Variants in ASPH observed in about 807,000 individuals in gnomAD.
ASPH encodes the protein aspartyl/asparaginyl beta-hydroxylase.
In ASPH, 100 loss-of-function variants were observed where a neutral mutation model predicts 118.4. That is an observed-to-expected ratio of 0.84 (90% CI 0.72 to 1.00). The LOEUF is 1.00. Ranked by LOEUF, ASPH falls within the 50% of genes least tolerant of loss-of-function variation. ASPH has a pLI of 0.00. For synonymous variants in ASPH, 315 were observed against 325.6 expected, an observed-to-expected ratio of 0.97 and a Z score of 0.35; for missense variants, 920 against 919.5, an observed-to-expected ratio of 1.00 and a Z score of -0.01.
Position 61,681,037 on chromosome 8 carries a change from C to T in ASPH, c.254-1G>A, listed in dbSNP as rs375849697. 9.4e-6 allele frequency: 15 copies of T among 1,588,468 alleles called. No individual in the cohort carries two copies. The highest frequency in any genetic ancestry group is 5.4e-5 in the African/African-American group (4 of 73,760). On this transcript the variant is annotated splice_acceptor_variant, in intron 2 of 24. Transcript: ENST00000379454. LOFTEE classifies it high-confidence loss of function. ...TCAGCATCATAGATTCCTAGTTTTC[C>T]TATAATAGGGCAGAAATGATGGATA...
At chr8:61,553,699 A>G (rs1159699499) in intron 19 of ASPH, among the ~76,000 whole-genome samples, 1 of 152,170 alleles carries the variant, frequency 6.6e-6, no homozygotes, top group Non-Finnish European at 1.5e-5. Context: ...TAAAACATTT[A>G]CCTAATTCTC....
rs1007220762 is a variant in ASPH at position 61,692,933 on chromosome 8, T to C, written c.104-8745A>G. 7.3e-5 allele frequency among the ~76,000 whole-genome samples: 10 copies of C among 137,264 alleles called. No homozygotes were observed. In the Admixed American group the frequency reaches 7.8e-4, roughly 11 times the overall value. 90.1% of individuals were successfully genotyped at this position (137,264 alleles called of 152,430 possible). A position where few individuals can be genotyped will look rare whatever the true frequency, so the allele number is the denominator to read the frequency against. Reference sequence around the variant, plus strand: ...TACCAATTTCCAGACCATCATTTCCTTACCCACCAGAAGGAAAAAAAAAAA... The same window carrying C: ...TACCAATTTCCAGACCATCATTTCCCTACCCACCAGAAGGAAAAAAAAAAA... On this transcript the variant is annotated intron_variant, in intron 1 of 24. Transcript: ENST00000379454.
chr8:61,668,016 T>A (rs1332996910), intron 3 of ASPH, among the ~76,000 whole-genome samples: 1 of 152,174 alleles, frequency 6.6e-6, no homozygotes, highest in Non-Finnish European at 1.5e-5. Flanking sequence ...AAAGCTTTGA[T>A]AACATGAAAA....
intron 14 of ASPH, among the ~76,000 whole-genome samples, chr8:61,598,681 C>T (rs1156318230): frequency 6.6e-6 from 1 of 152,182 alleles, no homozygotes; most frequent in African/African-American, 2.4e-5. Flanking sequence ...CCAACAGCTA[C>T]GGAGTACACA....
At chr8:61,543,935 G>A (rs1822876197) in intron 21 of ASPH, among the ~76,000 whole-genome samples, 1 of 152,158 alleles carries the variant, frequency 6.6e-6, no homozygotes, top group African/African-American at 2.4e-5. Flanking sequence ...TTGACTAATA[G>A]CCTGGGAATA....
intron 13 of ASPH, chr8:61,625,164 C>A: frequency 1.0e-6 from 1 of 985,704 alleles, no homozygotes; most frequent in Non-Finnish European, 1.2e-6. Context: ...TAGCTACCTT[C>A]TTTTCTGACA....
At chr8:61,602,184 A>G (rs1253580326) in intron 14 of ASPH, among the ~76,000 whole-genome samples, 1 of 151,424 alleles carries the variant, frequency 6.6e-6, no homozygotes, top group Non-Finnish European at 1.5e-5. Flanking sequence ...ATCCCTCATG[A>G]ACACAGATGT....
intron 6 of ASPH, 36 bp from the exon 7 acceptor site, chr8:61,644,668 T>C: frequency 6.5e-7 from 1 of 1,537,278 alleles, no homozygotes; most frequent in African/African-American, 1.4e-5. Flanking sequence ...ATTTACTGCT[T>C]TTACAAAATG....
At chr8:61,504,742 C>T (rs946187470) in intron 24 of ASPH, among the ~76,000 whole-genome samples, 3 of 152,094 alleles carry the variant, frequency 2.0e-5, no homozygotes, top group African/African-American at 4.8e-5. Context: ...GTTGTGACAA[C>T]CAGAAACATC....
At chr8:61,518,270 G>T (rs1276586494) in intron 22 of ASPH, 147 bp from the exon 23 acceptor site, 4 of 655,852 alleles carry the variant, frequency 6.1e-6, no homozygotes, top group Non-Finnish European at 1.0e-5. Context: ...AATGCAAAAG[G>T]CTTATTGGAA....
At chr8:61,636,133 A>G (rs1036524581) in intron 12 of ASPH, among the ~76,000 whole-genome samples, 2 of 152,192 alleles carry the variant, frequency 1.3e-5, no homozygotes, top group Non-Finnish European at 2.9e-5. Context: ...AAGGGTTTAA[A>G]CACAGGGCTG....
intron 2 of ASPH, chr8:61,683,830 T>G: frequency 2.1e-6 from 1 of 483,574 alleles, no homozygotes; most frequent in Non-Finnish European, 3.5e-6. Flanking sequence ...AAGCCTTTTT[T>G]CAAAAACCTA....
intron 20 of ASPH, among the ~76,000 whole-genome samples, chr8:61,549,709 A>AT (rs1411092721): frequency 6.6e-6 from 1 of 152,210 alleles, no homozygotes; most frequent in Non-Finnish European, 1.5e-5. Flanking sequence ...TTTACTTCCT[A>AT]TGCTTTTCAG....
At chr8:61,510,398 C>T (rs1808376895) in intron 24 of ASPH, among the ~76,000 whole-genome samples, 1 of 152,090 alleles carries the variant, frequency 6.6e-6, no homozygotes, top group South Asian at 2.1e-4. Context: ...GCATTTTTTC[C>T]TGCAGAAACA....
chr8:61,558,159 A>G (rs1389297455), intron 18 of ASPH, among the ~76,000 whole-genome samples: 1 of 152,220 alleles, frequency 6.6e-6, no homozygotes, highest in Non-Finnish European at 1.5e-5. Context: ...CAAGATGGTA[A>G]ATGTAGCTAT....
intron 13 of ASPH, among the ~76,000 whole-genome samples, chr8:61,619,425 A>G (rs542277933): frequency 1.1e-4 from 16 of 152,316 alleles, no homozygotes; most frequent in African/African-American, 3.6e-4. Flanking sequence ...AACAATTGAC[A>G]TCATGTGCTT....
rs1804996614 is a variant in ASPH, at chr8:61,501,868, T to G, written c.*1491A>C. ...TTTAAATGAGATAAAGAAAGTCTCC[T>G]TTTGTTTTTAGATGGAAAAGAAAGC... is the stretch of plus-strand genomic sequence containing the variant. On this transcript the variant is annotated 3_prime_UTR_variant, in exon 25 of 25. Coordinates refer to ENST00000379454, the MANE Select transcript of ASPH (RefSeq NM_004318.4). 6.6e-6 allele frequency: 1 copy of G among 152,212 alleles called. No individual in the cohort carries two copies. The highest frequency in any genetic ancestry group is 1.5e-5 in the Non-Finnish European group (1 of 68,024). 9.4% of individuals were successfully genotyped at this position (152,212 alleles called of 1,614,324 possible). A position where few individuals can be genotyped will look rare whatever the true frequency, so the allele number is the denominator to read the frequency against.
At position 61,651,072 on chromosome 8, in the gene ASPH, A is replaced by C. The variant is rs778800339; in HGVS notation, c.468T>G (p.His156Gln). 18 of 1,613,762 alleles carry C rather than the reference A, an allele frequency of 1.1e-5. No individual in the cohort carries two copies. Among genetic ancestry groups the C allele is most frequent in the Non-Finnish European group, 1.5e-5 (18 of 1,179,842 alleles). Residue 156 changes from histidine to glutamine, a missense_variant, in exon 5 of 25, where the codon CAT becomes CAG. Coordinates refer to ENST00000379454, the MANE Select transcript of ASPH (RefSeq NM_004318.4). ...TACCATGTTCTGCGTGTACCATTTC[A>C]TGGAGAAGGGACTGAATTTGTTCTT... Reference protein sequence around the residue: ...EAKEQIQSLLHEMVHAEHVEG... With the variant: ...EAKEQIQSLLQEMVHAEHVEG...
chr8:61,528,477 T>C (rs1816329576), intron 21 of ASPH, among the ~76,000 whole-genome samples: 1 of 152,222 alleles, frequency 6.6e-6, no homozygotes, highest in Non-Finnish European at 1.5e-5. Flanking sequence ...ATAAAATTAC[T>C]TTTCAAATGA....
Sources: gnomAD v4.1 joint callset for allele counts (sites outside exome capture counted in the v4.1 genomes callset) on GRCh38, gnomAD v4.1.1 for gene constraint, MANE v1.5 for transcripts, NCBI Gene and HGNC (gene_info 2026-07-23, HGNC 2026-07-21) for gene names.